Variants in GLI2 observed in about 807,000 individuals in gnomAD.
GLI2 encodes the protein transcription activator GLI2.
Under a neutral mutation model 78.9 loss-of-function variants are expected in GLI2, and 22 were observed. The observed-to-expected ratio is 0.28, with a 90% CI of 0.20 to 0.40. The LOEUF is 0.40. Among genes scored for constraint, GLI2 ranks in the 10% least tolerant of loss-of-function variants. The pLI, the probability that GLI2 is intolerant of heterozygous loss-of-function variation, is 1.00. For synonymous variants in GLI2, 974 were observed against 963.7 expected, an observed-to-expected ratio of 1.01 and a Z score of -0.20; for missense variants, 2,097 against 2,213.2, an observed-to-expected ratio of 0.95 and a Z score of 1.05.
chr2:120,855,332 G>C (rs979528977), intron 2 of GLI2, among the ~76,000 whole-genome samples: 1 of 152,312 alleles, frequency 6.6e-6, no homozygotes, highest in African/African-American at 2.4e-5. Context: ...TTCAAAGCCA[G>C]TGAGCGAGCC....
chr2:120,883,542 T>C (rs1677253378), intron 2 of GLI2, among the ~76,000 whole-genome samples: 1 of 152,166 alleles, frequency 6.6e-6, no homozygotes, highest in Admixed American at 6.5e-5. Flanking sequence ...ACAGCCGCAC[T>C]GTACAGGAAG....
intron 5 of GLI2, among the ~76,000 whole-genome samples, chr2:120,959,090 C>T (rs1482723331): frequency 4.6e-5 from 7 of 152,292 alleles, no homozygotes; most frequent in East Asian, 1.9e-4. Flanking sequence ...CTTTGCCTTC[C>T]GGGCACTCAG....
At chr2:120,860,059 C>G (rs1466178985) in intron 2 of GLI2, among the ~76,000 whole-genome samples, 1 of 152,192 alleles carries the variant, frequency 6.6e-6, no homozygotes, top group Admixed American at 6.5e-5. Flanking sequence ...TGTCTGCTCC[C>G]CAGAGGTCAT....
chr2:120,911,467 G>A (rs1310953328), intron 2 of GLI2, among the ~76,000 whole-genome samples: 2 of 152,158 alleles, frequency 1.3e-5, no homozygotes, highest in Non-Finnish European at 2.9e-5. Context: ...CCTAGAAACT[G>A]CTCTGTCTCC....
intron 2 of GLI2, among the ~76,000 whole-genome samples, chr2:120,838,863 A>G (rs905748921): frequency 1.3e-5 from 2 of 152,230 alleles, no homozygotes; most frequent in Non-Finnish European, 1.5e-5. Context: ...GGAAGAACCT[A>G]TATCATATAG....
In GLI2 at chr2:120,800,869, G is replaced by T. The variant is rs1684676738; in HGVS notation, c.148+3401G>T. Reference sequence around the variant, plus strand: ...TATTACACATCAGAGAAGGTGTGGGGTGGGTGGGTCTTATCTGAGGATGTC... The same window carrying T: ...TATTACACATCAGAGAAGGTGTGGGTTGGGTGGGTCTTATCTGAGGATGTC... On this transcript the variant is annotated intron_variant, in intron 2 of 13. Coordinates refer to ENST00000361492, the MANE Select transcript of GLI2 (RefSeq NM_001374353.1). The surrounding 1 kb of genome is among the most constrained non-coding windows in gnomAD (Gnocchi z 4.1). Among the ~76,000 whole-genome samples, 1 of 152,254 alleles carries T rather than the reference G, an allele frequency of 6.6e-6. No homozygotes were observed. The highest frequency in any genetic ancestry group is 1.9e-4 in the East Asian group (1 of 5,172).
At chr2:120,897,131 G>A (rs1007725063) in intron 2 of GLI2, among the ~76,000 whole-genome samples, 2 of 152,176 alleles carry the variant, frequency 1.3e-5, no homozygotes, top group African/African-American at 2.4e-5. Context: ...CCACTGACAC[G>A]CTCCAGCCGC....
chr2:120,969,837 G>C (rs116123887), intron 6 of GLI2, among the ~76,000 whole-genome samples: 1 of 152,238 alleles, frequency 6.6e-6, no homozygotes, highest in Non-Finnish European at 1.5e-5. Context: ...TGATGTGAGA[G>C]GAAGCTGGAG....
At chr2:120,828,135 A>G (rs1366080732) in intron 2 of GLI2, among the ~76,000 whole-genome samples, 1 of 152,226 alleles carries the variant, frequency 6.6e-6, no homozygotes. Flanking sequence ...GCTTCCGTGA[A>G]CCTTGGGTCC....
intron 13 of GLI2, among the ~76,000 whole-genome samples, chr2:120,987,860 C>A (rs551248792): frequency 2.0e-5 from 3 of 152,238 alleles, no homozygotes; most frequent in African/African-American, 7.2e-5. Flanking sequence ...GGCCTCCTGG[C>A]TTCCCCTCGC....
chr2:120,791,666 A>G (rs1406427835), intron 1 of GLI2, among the ~76,000 whole-genome samples: 2 of 152,182 alleles, frequency 1.3e-5, no homozygotes, highest in African/African-American at 2.4e-5. Context: ...ATACATGTGC[A>G]TGTGTGAGTG....
chr2:120,924,926 G>A (rs548456031), intron 2 of GLI2, among the ~76,000 whole-genome samples: 11 of 152,338 alleles, frequency 7.2e-5, no homozygotes, highest in African/African-American at 2.6e-4. Flanking sequence ...GGCTTTTTAC[G>A]TCTTCACCAC....
At chr2:120,812,796 G>A (rs1208349188) in intron 2 of GLI2, among the ~76,000 whole-genome samples, 1 of 152,166 alleles carries the variant, frequency 6.6e-6, no homozygotes. Context: ...TCAGGTCTCT[G>A]AACCTCTGGT....
At chr2:120,984,921 C>A (rs1202657562) in intron 12 of GLI2, among the ~76,000 whole-genome samples, 178 bp downstream of exon 12, 3 of 152,222 alleles carry the variant, frequency 2.0e-5, no homozygotes, top group Non-Finnish European at 2.9e-5. Flanking sequence ...TGGAACCTAT[C>A]TTGTCCAGGT....
At chr2:120,896,848 C>A (rs1000431313) in intron 2 of GLI2, among the ~76,000 whole-genome samples, 1 of 152,186 alleles carries the variant, frequency 6.6e-6, no homozygotes, top group Non-Finnish European at 1.5e-5. Context: ...TTCATTTTTA[C>A]CCTATGTAGT....
chr2:120,906,579 C>T (rs1262261590), intron 2 of GLI2, among the ~76,000 whole-genome samples: 4 of 152,250 alleles, frequency 2.6e-5, no homozygotes, highest in East Asian at 3.9e-4. Context: ...CCTTCAAGGT[C>T]GCAGCCACCA....
At chr2:120,982,907 A>G in intron 11 of GLI2, 27 bp downstream of exon 11, 1 of 1,608,922 alleles carries the variant, frequency 6.2e-7, no homozygotes, top group Non-Finnish European at 8.5e-7. Flanking sequence ...TGCACTGGGC[A>G]TGCACACTGG....
intron 1 of GLI2, among the ~76,000 whole-genome samples, chr2:120,743,547 A>T (rs1438441476): frequency 6.6e-6 from 1 of 152,240 alleles, no homozygotes; most frequent in Non-Finnish European, 1.5e-5. Context: ...CTACCCAGAT[A>T]ACTGTTAGGA....
Position 120,896,947 on chromosome 2 carries a change from G to T in GLI2, c.149-30414G>T, listed in dbSNP as rs77026044. ...AGGGGAAAGAAAAAAAGGGGATCAT[G>T]AAATAGAAATTAACAAGTTGAAGTT... On this transcript the variant is annotated intron_variant, in intron 2 of 13. Transcript: ENST00000361492. 1.1e-3 allele frequency among the ~76,000 whole-genome samples: 173 copies of T among 152,342 alleles called. 1 individual carries two copies. The highest frequency in any genetic ancestry group is 2.2e-3 in the Admixed American group (34 of 15,296).
Sources: allele counts gnomAD v4.1 joint callset (sites outside exome capture counted in the v4.1 genomes callset), GRCh38; gene constraint gnomAD v4.1.1; non-coding constraint Gnocchi (gnomAD v3.1); transcripts MANE v1.5; gene names NCBI Gene and HGNC (gene_info 2026-07-23, HGNC 2026-07-21).